Variants in PRRG1 observed in about 807,000 individuals in gnomAD.
PRRG1 encodes the protein transmembrane gamma-carboxyglutamic acid protein 1.
Under a neutral mutation model 11.8 loss-of-function variants are expected in PRRG1, and 5 were observed. The ratio of observed to expected loss-of-function variants is 0.42; its 90% CI spans 0.22 to 0.89. The LOEUF is 0.89. PRRG1 is among the 40% of genes least tolerant of loss of function. The pLI, the probability that PRRG1 is intolerant of heterozygous loss-of-function variation, is 0.28. For synonymous variants in PRRG1, 66 were observed against 60.4 expected, an observed-to-expected ratio of 1.09 and a Z score of -0.43; for missense variants, 155 against 166.1, an observed-to-expected ratio of 0.93 and a Z score of 0.37.
intron 2 of PRRG1, among the ~76,000 whole-genome samples, chrX:37,412,090 C>T (rs1556384048): frequency 8.9e-6 from 1 of 111,755 alleles, no homozygotes; most frequent in African/African-American, 3.2e-5. Context: ...AGTAACATGA[C>T]CTTAATGTCT....
At chrX:37,412,907 A>G (rs899084727) in intron 2 of PRRG1, among the ~76,000 whole-genome samples, 2 of 111,373 alleles carry the variant, frequency 1.8e-5, no homozygotes, top group South Asian at 3.8e-4. Flanking sequence ...TGACTGTTTT[A>G]AAGTGTATAA....
chrX:37,411,350 A>G (rs1469147280), intron 2 of PRRG1, among the ~76,000 whole-genome samples: 4 of 111,637 alleles, frequency 3.6e-5, no homozygotes, highest in African/African-American at 6.5e-5. Context: ...TGACTGTTCT[A>G]GGATATTTAT....
chrX:37,396,399 AG>A (rs782588341), intron 1 of PRRG1, among the ~76,000 whole-genome samples: 7 of 111,470 alleles, frequency 6.3e-5, no homozygotes, highest in Non-Finnish European at 1.1e-4. Context: ...GTGTTATGGG[AG>A]GGACCCAGTG....
At position 37,425,664 on chromosome X, in the gene PRRG1, TACTC is replaced by T. The variant is rs1162413624; in HGVS notation, c.11-173_11-170del. On this transcript the variant is annotated intron_variant, in intron 2 of 3. Transcript: ENST00000378628. ...CAGGGCAACTGCTATTGAAAGGACATACTCACATCATGAGGAAGATAGCAGATAC... is the reference window on the plus strand; with the variant it reads ...CAGGGCAACTGCTATTGAAAGGACATACATCATGAGGAAGATAGCAGATAC... 1.2e-5 allele frequency: 5 copies of T among 406,722 alleles called. No homozygotes were observed. In the African/African-American group the frequency reaches 1.3e-4, roughly 10 times the overall value. The allele number at this position is 406,722 out of a possible 1,213,427, so 33.5% of individuals were successfully genotyped here. A position where few individuals can be genotyped will look rare whatever the true frequency, so the allele number is the denominator to read the frequency against.
chrX:37,392,535 A>T (rs146647896), intron 1 of PRRG1, among the ~76,000 whole-genome samples: 5,072 of 107,510 alleles, frequency 0.047, 304 homozygotes, highest in African/African-American at 0.16. Context: ...CAAAAAAAAA[A>T]AATAATAAAA....
chrX:37,356,332 G>A (rs143623912), intron 1 of PRRG1, among the ~76,000 whole-genome samples: 2,597 of 111,337 alleles, frequency 0.023, 75 homozygotes, highest in African/African-American at 0.079. Flanking sequence ...TTCACTGTCA[G>A]CAAAGACTTG....
intron 1 of PRRG1, among the ~76,000 whole-genome samples, chrX:37,350,042 G>GA (rs782645960): frequency 0.02 from 1,927 of 97,675 alleles, 63 homozygotes; most frequent in African/African-American, 0.068. Context: ...GGCCCTGGGG[G>GA]ATGGGAGAGC....
intron 3 of PRRG1, chrX:37,441,325 G>A (rs1556393692): frequency 1.3e-6 from 1 of 755,543 alleles, no homozygotes; most frequent in Non-Finnish European, 1.6e-6. Context: ...AGACAGTGCA[G>A]AGTTCACTGG....
chrX:37,402,670 A>G (rs1342318741), intron 1 of PRRG1, among the ~76,000 whole-genome samples: 2 of 112,006 alleles, frequency 1.8e-5, no homozygotes, highest in Admixed American at 9.5e-5. Flanking sequence ...GCACAGCAAC[A>G]GAAACTACCA....
chrX:37,366,665 G>C (rs1437661771), intron 1 of PRRG1, among the ~76,000 whole-genome samples: 1 of 111,763 alleles, frequency 8.9e-6, no homozygotes, highest in African/African-American at 3.3e-5. Flanking sequence ...TCACATTGCT[G>C]CTTTGGTAAT....
intron 1 of PRRG1, among the ~76,000 whole-genome samples, chrX:37,354,395 AT>A (rs1244357741): frequency 7.2e-4 from 72 of 100,275 alleles, no homozygotes; most frequent in African/African-American, 7.9e-4. Flanking sequence ...TTATTTTTTT[AT>A]TTTTTTTTTT....
At chrX:37,410,389 A>T (rs2146588064) in intron 2 of PRRG1, among the ~76,000 whole-genome samples, 1 of 112,227 alleles carries the variant, frequency 8.9e-6, no homozygotes, top group East Asian at 2.8e-4. Flanking sequence ...TGTTACATCC[A>T]GTTTTTTTTC....
chrX:37,442,181 AG>A (rs1303555066), intron 3 of PRRG1: 12 of 752,690 alleles, frequency 1.6e-5, no homozygotes, highest in Non-Finnish European at 1.3e-5. Context: ...TTTTCCTTTC[AG>A]TGTTACCATT....
chrX:37,413,056 A>C (rs1932392160), intron 2 of PRRG1, among the ~76,000 whole-genome samples: 2 of 111,365 alleles, frequency 1.8e-5, no homozygotes, highest in Non-Finnish European at 3.8e-5. Context: ...TCCTATTCCC[A>C]TTAAGCAGTC....
At chrX:37,414,475 T>C (rs782717313) in intron 2 of PRRG1, among the ~76,000 whole-genome samples, 6 of 111,863 alleles carry the variant, frequency 5.4e-5, no homozygotes, top group Admixed American at 1.9e-4. Flanking sequence ...GTCAGCAAAA[T>C]GAAGGGGTTA....
chrX:37,427,292 A>G (rs1219800776), intron 3 of PRRG1, among the ~76,000 whole-genome samples: 4 of 112,049 alleles, frequency 3.6e-5, no homozygotes, highest in African/African-American at 9.7e-5. Flanking sequence ...TTATTGAGTT[A>G]TGTTTGACAT....
rs557966280 is a variant in PRRG1 at position 37,363,649 on chromosome X, G to A, written c.-42+14254G>A. ...GCCATTGATCCAGTTGTCTAGTAAA[G>A]GAAAAGATCAGTTTAAATGGATGTT... is the stretch of plus-strand genomic sequence containing the variant. On this transcript the variant is annotated intron_variant, in intron 1 of 3. Transcript: ENST00000378628. 9.4e-4 allele frequency among the ~76,000 whole-genome samples: 105 copies of A among 112,264 alleles called. 1 individual carries two copies. The South Asian group carries it at 0.038, about 40-fold the overall frequency.
intron 1 of PRRG1, among the ~76,000 whole-genome samples, chrX:37,393,177 C>G (rs1556377198): frequency 9.0e-6 from 1 of 110,671 alleles, no homozygotes; most frequent in South Asian, 3.8e-4. Flanking sequence ...CATTTTGATG[C>G]TCTTCCCTAG....
intron 1 of PRRG1, among the ~76,000 whole-genome samples, chrX:37,368,432 T>G (rs781883279): frequency 8.9e-6 from 1 of 112,118 alleles, no homozygotes; most frequent in East Asian, 2.8e-4. Flanking sequence ...TTGTTCCTCT[T>G]TATCTCTTAT....
Sources: gnomAD v4.1 joint callset for allele counts (sites outside exome capture counted in the v4.1 genomes callset) on GRCh38, gnomAD v4.1.1 for gene constraint, MANE v1.5 for transcripts, NCBI Gene and HGNC (gene_info 2026-07-23, HGNC 2026-07-21) for gene names.